RPS6KC1: variants seen among roughly 807,000 people sequenced by gnomAD.
RPS6KC1 encodes the protein ribosomal protein S6 kinase C1.
A neutral mutation model predicts 103.8 loss-of-function variants in RPS6KC1; 54 were observed. That is an observed-to-expected ratio of 0.52 (90% CI 0.42 to 0.65). RPS6KC1 has a LOEUF of 0.65. Among genes scored for constraint, RPS6KC1 ranks in the 30% least tolerant of loss-of-function variants. RPS6KC1 has a pLI of 0.00. For missense variants in RPS6KC1, 1,151 were observed against 1,253.8 expected (o/e 0.92, Z 1.24); for synonymous variants, 439 against 438.7 (o/e 1.00, Z -0.01).
At chr1:213,116,977 C>T (rs1226335715) in intron 4 of RPS6KC1, among the ~76,000 whole-genome samples, 1 of 152,106 alleles carries the variant, frequency 6.6e-6, no homozygotes, top group Non-Finnish European at 1.5e-5. Context: ...TCTCTGGCTG[C>T]TCTTAACATT....
At chr1:213,424,328 C>CT in the RPS6KC1 span, among the ~76,000 whole-genome samples, 2 of 152,192 alleles carry the variant, frequency 1.3e-5, no homozygotes. Flanking sequence ...GGCTTTCTCT[C>CT]TTTTCCCTTC....
At chr1:213,614,604 T>G in the RPS6KC1 span, among the ~76,000 whole-genome samples, 1 of 152,220 alleles carries the variant, frequency 6.6e-6, no homozygotes, top group Non-Finnish European at 1.5e-5. Context: ...CCCAAACTCC[T>G]GGAGGGCAGA....
chr1:213,084,617 T>C (rs2080214398), intron 3 of RPS6KC1, among the ~76,000 whole-genome samples: 1 of 152,230 alleles, frequency 6.6e-6, no homozygotes, highest in African/African-American at 2.4e-5. Context: ...TATTCCACTT[T>C]TGTTAGTTGA....
chr1:213,824,691 C>T, the RPS6KC1 span, among the ~76,000 whole-genome samples: 12 of 152,134 alleles, frequency 7.9e-5, no homozygotes, highest in South Asian at 8.3e-4. Flanking sequence ...AGTTTCCCTG[C>T]GCAAGCTCTC....
chr1:213,760,016 T>C, the RPS6KC1 span, among the ~76,000 whole-genome samples: 1 of 152,204 alleles, frequency 6.6e-6, no homozygotes, highest in Non-Finnish European at 1.5e-5. Context: ...TTCCCTGCAA[T>C]GTCATCCATG....
intron 4 of RPS6KC1, among the ~76,000 whole-genome samples, chr1:213,106,654 C>G (rs2082529118): frequency 6.6e-6 from 1 of 152,070 alleles, no homozygotes; most frequent in Non-Finnish European, 1.5e-5. Flanking sequence ...ATTGATGATG[C>G]CACATGCAAA....
At chr1:213,471,796 C>A in the RPS6KC1 span, among the ~76,000 whole-genome samples, 1 of 151,406 alleles carries the variant, frequency 6.6e-6, no homozygotes, top group Non-Finnish European at 1.5e-5. Context: ...GTTCAACCCC[C>A]AAAAAGGAAT....
the RPS6KC1 span, among the ~76,000 whole-genome samples, chr1:213,409,700 C>T: frequency 2.0e-5 from 3 of 152,214 alleles, no homozygotes. Flanking sequence ...TCGGTCTGCT[C>T]AATGGCTCCA....
chr1:213,855,235 G>A, the RPS6KC1 span, among the ~76,000 whole-genome samples: 3 of 152,152 alleles, frequency 2.0e-5, no homozygotes, highest in Admixed American at 6.5e-5. Flanking sequence ...AAGTCAAATG[G>A]ACACAAATAC....
At chr1:213,468,723 T>C in the RPS6KC1 span, among the ~76,000 whole-genome samples, 1 of 152,208 alleles carries the variant, frequency 6.6e-6, no homozygotes, top group African/African-American at 2.4e-5. Flanking sequence ...ATAGTGCATA[T>C]AAGATTAAAA....
chr1:213,052,727 A>G (rs1011062492), intron 1 of RPS6KC1, among the ~76,000 whole-genome samples: 1 of 152,072 alleles, frequency 6.6e-6, no homozygotes, highest in Non-Finnish European at 1.5e-5. Context: ...TTTTTAGTAG[A>G]GATGGGGTTT....
the RPS6KC1 span, among the ~76,000 whole-genome samples, chr1:213,616,382 A>T: frequency 0.36 from 54,773 of 152,120 alleles, 11,607 homozygotes; most frequent in Non-Finnish European, 0.47. Context: ...CTGGAGCTGG[A>T]GCCCAGAGGA....
chr1:213,102,631 A>G (rs1378803170), intron 3 of RPS6KC1, among the ~76,000 whole-genome samples: 1 of 152,192 alleles, frequency 6.6e-6, no homozygotes, highest in African/African-American at 2.4e-5. Flanking sequence ...AAATTGAGGA[A>G]GAAAGCAAGA....
chr1:213,298,555 G>C, the RPS6KC1 span, among the ~76,000 whole-genome samples: 1 of 151,874 alleles, frequency 6.6e-6, no homozygotes, highest in South Asian at 2.1e-4. Context: ...GAGCATTTCT[G>C]TTAGCTAAGT....
intron 1 of RPS6KC1, among the ~76,000 whole-genome samples, chr1:213,060,298 G>C (rs145793228): frequency 8.0e-4 from 122 of 152,328 alleles, no homozygotes; most frequent in African/African-American, 2.8e-3. Flanking sequence ...GGAGTTGTTA[G>C]ATTTCAGTTG....
At chr1:213,805,737 A>T in the RPS6KC1 span, among the ~76,000 whole-genome samples, 1 of 152,232 alleles carries the variant, frequency 6.6e-6, no homozygotes, top group Non-Finnish European at 1.5e-5. Flanking sequence ...AATGTTCTTA[A>T]TGGCATCTAG....
the RPS6KC1 span, among the ~76,000 whole-genome samples, chr1:213,453,034 G>A: frequency 6.6e-6 from 1 of 151,916 alleles, no homozygotes; most frequent in African/African-American, 2.4e-5. Flanking sequence ...AGGAGCATCT[G>A]ACAAAGGTAA....
chr1:213,666,069 C>T, the RPS6KC1 span, among the ~76,000 whole-genome samples: 6 of 152,310 alleles, frequency 3.9e-5, no homozygotes, highest in South Asian at 8.3e-4. Context: ...GACCCCCTCT[C>T]GGCAGTGGGG....
the RPS6KC1 span, among the ~76,000 whole-genome samples, chr1:213,732,790 T>C: frequency 1.3e-5 from 2 of 152,212 alleles, no homozygotes; most frequent in African/African-American, 4.8e-5. Flanking sequence ...AAATATATTT[T>C]AATCTCTTCA....
Sources: allele counts gnomAD v4.1 joint callset (sites outside exome capture counted in the v4.1 genomes callset), GRCh38; gene constraint gnomAD v4.1.1; transcripts MANE v1.5; gene names NCBI Gene and HGNC (gene_info 2026-07-23, HGNC 2026-07-21).